The following FAM13A variants were observed in gnomAD, a reference collection of about 807,000 sequenced individuals.
The protein encoded by FAM13A is family with sequence similarity 13 member A.
A neutral mutation model predicts 129.6 loss-of-function variants in FAM13A; 76 were observed. The observed-to-expected ratio is 0.59, with a 90% CI of 0.49 to 0.71. FAM13A has a LOEUF of 0.71. FAM13A is among the 30% of genes least tolerant of loss of function. The pLI is 0.00. For missense variants in FAM13A, 1,108 were observed against 1,249.3 expected (o/e 0.89, Z 1.70); for synonymous variants, 443 against 449.9 (o/e 0.98, Z 0.20).
At chr4:88,936,472 T>C (rs1034616539) in intron 5 of FAM13A, 1 of 152,118 alleles carries the variant, frequency 6.6e-6, no homozygotes, top group Non-Finnish European at 1.5e-5. Context: ...AGGTCTCCTG[T>C]GAACTCACAG....
chr4:88,814,398 G>A (rs570445504), intron 7 of FAM13A, among the ~76,000 whole-genome samples: 23 of 152,270 alleles, frequency 1.5e-4, no homozygotes, highest in Admixed American at 1.4e-3. Context: ...GAGACAGAGA[G>A]AGAGAGAAGA....
At chr4:88,804,884 C>G (rs1173276016) in intron 8 of FAM13A, 127 bp downstream of exon 8, 4 of 653,298 alleles carry the variant, frequency 6.1e-6, no homozygotes, top group Non-Finnish European at 1.1e-5. Context: ...GTGAAGAGCT[C>G]CAGCAAGTTA....
At chr4:88,822,773 G>C (rs141003479) in intron 7 of FAM13A, among the ~76,000 whole-genome samples, 258 of 152,210 alleles carry the variant, frequency 1.7e-3, no homozygotes, top group Non-Finnish European at 3.2e-3. Flanking sequence ...ACAATCAAGT[G>C]AAAAAGATAA....
chr4:88,979,500 T>G (rs1761364139), intron 4 of FAM13A, among the ~76,000 whole-genome samples: 1 of 152,224 alleles, frequency 6.6e-6, no homozygotes, highest in Admixed American at 6.5e-5. Context: ...ACTAGTCATG[T>G]GACCTTATGC....
At chr4:88,753,608 A>G in intron 14 of FAM13A, 1 of 912,092 alleles carries the variant, frequency 1.1e-6, no homozygotes, top group Non-Finnish European at 1.3e-6. Flanking sequence ...TATGCAACAC[A>G]AAATGCTTAC....
intron 5 of FAM13A, among the ~76,000 whole-genome samples, chr4:88,914,765 G>T (rs990937323): frequency 6.6e-6 from 1 of 152,194 alleles, no homozygotes; most frequent in Non-Finnish European, 1.5e-5. Flanking sequence ...TTTGATCAGT[G>T]TATTCTAGTA....
intron 19 of FAM13A, among the ~76,000 whole-genome samples, chr4:88,740,526 G>C (rs1382025843): frequency 6.6e-6 from 1 of 152,254 alleles, no homozygotes; most frequent in Non-Finnish European, 1.5e-5. Flanking sequence ...GGAATGAGAT[G>C]AAGTATCTTT....
At chr4:88,835,922 C>A (rs1734733037) in intron 7 of FAM13A, among the ~76,000 whole-genome samples, 1 of 152,076 alleles carries the variant, frequency 6.6e-6, no homozygotes, top group Non-Finnish European at 1.5e-5. Context: ...GTTGGGGACC[C>A]CTGCTCTATA....
intron 7 of FAM13A, among the ~76,000 whole-genome samples, chr4:88,847,792 C>T (rs1255522057): frequency 1.3e-5 from 2 of 152,028 alleles, no homozygotes; most frequent in African/African-American, 4.8e-5. Context: ...AAAAAATTAG[C>T]TGGGCGTGGT....
chr4:88,781,490 G>T, intron 10 of FAM13A, 139 bp from the exon 11 acceptor site: 1 of 539,994 alleles, frequency 1.9e-6, no homozygotes, highest in Non-Finnish European at 3.2e-6. Context: ...CAAAATCTGA[G>T]CAGAGTGCCA....
chr4:88,889,632 G>A (rs1466661787), intron 6 of FAM13A, among the ~76,000 whole-genome samples: 1 of 152,180 alleles, frequency 6.6e-6, no homozygotes, highest in East Asian at 1.9e-4. Flanking sequence ...CTGAGTTCTG[G>A]AATGTAAGTA....
intron 11 of FAM13A, among the ~76,000 whole-genome samples, chr4:88,771,165 T>TTTTTC (rs10669480): frequency 8.6e-5 from 13 of 151,606 alleles, no homozygotes; most frequent in Non-Finnish European, 7.4e-5. Context: ...TTTTTTTTTT[T>TTTTTC]CAGAATGAAA....
At chr4:88,922,976 T>C (rs906262275) in intron 5 of FAM13A, among the ~76,000 whole-genome samples, 17 of 152,238 alleles carry the variant, frequency 1.1e-4, no homozygotes, top group East Asian at 5.8e-4. Flanking sequence ...CCTCGACACA[T>C]ACACCATCCC....
intron 8 of FAM13A, among the ~76,000 whole-genome samples, chr4:88,799,000 T>C (rs1369993087): frequency 1.3e-5 from 2 of 152,250 alleles, no homozygotes; most frequent in African/African-American, 4.8e-5. Flanking sequence ...ATAATTTATC[T>C]TTCTCAGTAT....
intron 7 of FAM13A, among the ~76,000 whole-genome samples, chr4:88,832,656 A>G (rs1309909448): frequency 6.6e-6 from 1 of 152,234 alleles, no homozygotes; most frequent in Non-Finnish European, 1.5e-5. Flanking sequence ...TCATTAGAGA[A>G]ATGCAAATCA....
At chr4:89,047,114 A>T (rs1166995655) in intron 1 of FAM13A, among the ~76,000 whole-genome samples, 1 of 152,156 alleles carries the variant, frequency 6.6e-6, no homozygotes, top group Non-Finnish European at 1.5e-5. Flanking sequence ...CTCATATCTT[A>T]TACAAAGGGA....
At chr4:88,818,869 C>T (rs887449276) in intron 7 of FAM13A, among the ~76,000 whole-genome samples, 1 of 152,182 alleles carries the variant, frequency 6.6e-6, no homozygotes, top group African/African-American at 2.4e-5. Context: ...TAACACCACA[C>T]AGAAACTCAC....
At chr4:88,877,628 T>C (rs996736702) in intron 6 of FAM13A, among the ~76,000 whole-genome samples, 2 of 152,360 alleles carry the variant, frequency 1.3e-5, no homozygotes, top group East Asian at 1.9e-4. Context: ...GAAAGGCAGG[T>C]TGGCTCTTTG....
At chr4:89,034,605 G>A (rs958790488) in intron 1 of FAM13A, among the ~76,000 whole-genome samples, 3 of 152,140 alleles carry the variant, frequency 2.0e-5, no homozygotes, top group African/African-American at 7.2e-5. Flanking sequence ...AAATCAGCTG[G>A]GCACGGTGGC....
Sources: allele counts gnomAD v4.1 joint callset (sites outside exome capture counted in the v4.1 genomes callset), GRCh38; gene constraint gnomAD v4.1.1; transcripts MANE v1.5; gene names NCBI Gene and HGNC (gene_info 2026-07-23, HGNC 2026-07-21).